Variants in STOX2 observed in about 807,000 individuals in gnomAD.
The protein encoded by STOX2 is storkhead box 2.
Under a neutral mutation model 60.9 loss-of-function variants are expected in STOX2, and 28 were observed. The ratio of observed to expected loss-of-function variants is 0.46; its 90% confidence interval spans 0.34 to 0.63. The LOEUF is 0.63. Ranked by LOEUF, STOX2 falls within the 30% of genes least tolerant of loss-of-function variation. STOX2 has a pLI of 0.01. For missense variants in STOX2, 1,024 were observed against 1,187.7 expected (o/e 0.86, Z 2.03); for synonymous variants, 472 against 463.9 (o/e 1.02, Z -0.22).
At position 183,999,981 on chromosome 4, in the gene STOX2, T is replaced by G. The variant is rs17075198; in HGVS notation, c.167-1344T>G. ...GCTTCAGAAACAAAAAAGGCTAGAT[T>G]ATGGAAGTACATTTAGGAAATCAGA... On this transcript the variant is annotated intron_variant, in intron 1 of 3. Coordinates refer to ENST00000308497, the MANE Select transcript of STOX2 (RefSeq NM_020225.3). 4.1e-3 allele frequency among the ~76,000 whole-genome samples: 631 copies of G among 152,340 alleles called. 4 individuals are homozygous for G. The highest frequency in any genetic ancestry group is 0.015 in the African/African-American group (607 of 41,572).
At chr4:183,845,006 A>C (rs527341752) in intron 1 of STOX2, among the ~76,000 whole-genome samples, 1 of 152,274 alleles carries the variant, frequency 6.6e-6, no homozygotes, top group Non-Finnish European at 1.5e-5. Context: ...CATAGAAAAC[A>C]TAATAGTCTC....
chr4:183,933,380 AGTTGTT>A (rs139425065), intron 1 of STOX2, among the ~76,000 whole-genome samples: 60 of 146,676 alleles, frequency 4.1e-4, no homozygotes, highest in Non-Finnish European at 6.9e-4. Flanking sequence ...AAACCCCAGA[AGTTGTT>A]GTTGTTGTTG....
intron 1 of STOX2, among the ~76,000 whole-genome samples, chr4:183,859,475 G>T (rs1200166606): frequency 6.6e-6 from 1 of 152,256 alleles, no homozygotes; most frequent in African/African-American, 2.4e-5. Flanking sequence ...AGGCATTTCA[G>T]GGGTGGCAGA....
At chr4:183,846,844 A>G (rs1740002028) in intron 1 of STOX2, among the ~76,000 whole-genome samples, 1 of 151,464 alleles carries the variant, frequency 6.6e-6, no homozygotes, top group Non-Finnish European at 1.5e-5. Context: ...TTTTTTTTGA[A>G]ACTGGGTTTT....
chr4:183,999,352 A>G (rs1377924653), intron 1 of STOX2, among the ~76,000 whole-genome samples: 3 of 152,134 alleles, frequency 2.0e-5, no homozygotes, highest in African/African-American at 7.2e-5. Context: ...AATTTTTCTG[A>G]GGGTGTCTCT....
chr4:183,937,478 G>T lies in STOX2; in HGVS notation c.166+30522G>T, dbSNP rs73000651. On this transcript the variant is annotated intron_variant, in intron 1 of 3. Coordinates refer to ENST00000308497, the MANE Select transcript of STOX2 (RefSeq NM_020225.3). ...GATGAGACCTTGGCACTTGCTTAGGGAGGTCAGTGTTCGTTTTAGAGCTGC... is the reference window on the plus strand; with the variant it reads ...GATGAGACCTTGGCACTTGCTTAGGTAGGTCAGTGTTCGTTTTAGAGCTGC... Among the ~76,000 whole-genome samples, 809 of 152,326 alleles carry T rather than the reference G, an allele frequency of 5.3e-3. 5 individuals carry two copies. Among genetic ancestry groups the T allele is most frequent in the African/African-American group, 0.018 (758 of 41,574 alleles).
chr4:183,874,324 T>G (rs765603256), intron 1 of STOX2, among the ~76,000 whole-genome samples: 19 of 151,792 alleles, frequency 1.3e-4, no homozygotes, highest in Non-Finnish European at 2.6e-4. Context: ...GTGCAGGGGG[T>G]TTTATTATTT....
chr4:183,957,559 G>A (rs1743286985), intron 1 of STOX2, among the ~76,000 whole-genome samples: 1 of 152,144 alleles, frequency 6.6e-6, no homozygotes, highest in African/African-American at 2.4e-5. Flanking sequence ...TGGACTCATG[G>A]ATTTCTTTTT....
Position 183,995,508 on chromosome 4 carries a change from T to C in STOX2, c.167-5817T>C, listed in dbSNP as rs373143126. ...GGGAAAATAGATAGAGGGATTTAAA[T>C]AGTGAAAATGGATGCGCTTGATAAA... On this transcript the variant is annotated intron_variant, in intron 1 of 3. Coordinates refer to ENST00000308497, the MANE Select transcript of STOX2 (RefSeq NM_020225.3). Among the ~76,000 whole-genome samples the C allele has an allele frequency of 5.9e-5, 9 of 152,096 alleles. No homozygotes were observed. The East Asian group carries it at 1.4e-3, about 23-fold the overall frequency.
chr4:183,832,493 T>A (rs1011800370), intron 1 of STOX2, among the ~76,000 whole-genome samples: 11 of 144,444 alleles, frequency 7.6e-5, no homozygotes, highest in African/African-American at 2.6e-4. Context: ...ACTCTTTTTT[T>A]TTTTTTTTTT....
intron 1 of STOX2, among the ~76,000 whole-genome samples, chr4:183,852,464 GGAAAGGATGAGA>G: frequency 2.2e-5 from 1 of 44,884 alleles, no homozygotes. Context: ...AAACGATGAG[GGAAAGGATGAGA>G]GAAAGGATGA....
In STOX2 at chr4:183,906,795, A is replaced by G; in HGVS notation, c.5A>G (p.Lys2Arg). The G allele has an allele frequency of 7.2e-6, 11 of 1,537,138 alleles. No homozygotes were observed. The highest frequency in any genetic ancestry group is 1.2e-5 in the South Asian group (1 of 82,612). M[K>R]KTRSTTLRRA... ...CGGCAGGTCGCCCTCCCCACCATGA[A>G]GAAGACCCGGAGCACAACCTTGCGG... The change falls in exon 1 of 4, where the codon AAG becomes AGG. Residue 2 changes from lysine to arginine, a missense_variant. By Grantham distance (26) the Lys-to-Arg change is conservative. Coordinates refer to ENST00000308497, the MANE Select transcript of STOX2 (RefSeq NM_020225.3).
intron 1 of STOX2, among the ~76,000 whole-genome samples, chr4:183,924,406 G>A (rs892189206): frequency 6.6e-5 from 10 of 152,126 alleles, no homozygotes; most frequent in African/African-American, 1.7e-4. Flanking sequence ...CAGGAGCCCC[G>A]TGTCTGCCCT....
rs1047020888 is a variant in STOX2, at chr4:183,820,144, C to G, written c.364+22089C>G. 2.8e-4 allele frequency among the ~76,000 whole-genome samples: 42 copies of G among 152,228 alleles called. 1 individual carries two copies. The highest frequency in any genetic ancestry group is 6.8e-3 in the Middle Eastern group (2 of 294). ...TTCACCATGTTGGCCGGGCTGGTCT[C>G]GAACTCCTGACCTCAAGTGATCCTC... is the stretch of plus-strand genomic sequence containing the variant. On this transcript the variant is annotated intron_variant, in intron 1 of 2. Coordinates refer to the STOX2 transcript ENST00000513034.
At chr4:183,893,046 C>T (rs997162127) in intron 1 of STOX2, among the ~76,000 whole-genome samples, 2 of 151,812 alleles carry the variant, frequency 1.3e-5, no homozygotes, top group African/African-American at 2.4e-5. Flanking sequence ...AGATATCCTT[C>T]GGAAACCAGT....
chr4:183,952,414 G>T (rs887833043), intron 1 of STOX2, among the ~76,000 whole-genome samples: 1 of 152,104 alleles, frequency 6.6e-6, no homozygotes, highest in Non-Finnish European at 1.5e-5. Context: ...GATTCTTGTC[G>T]GAAGTATATA....
At chr4:183,951,121 C>T (rs536152325) in intron 1 of STOX2, among the ~76,000 whole-genome samples, 2 of 149,604 alleles carry the variant, frequency 1.3e-5, no homozygotes, top group African/African-American at 4.9e-5. Flanking sequence ...GAGGCTGAGG[C>T]AGGAGAATGG....
rs1480065368 is a variant in STOX2, at chr4:183,806,130, CA to C, written c.364+8076del. On this transcript the variant is annotated intron_variant, in intron 1 of 2. Transcript: ENST00000513034. This position sits in a 1 kb window ranked among gnomAD's most constrained non-coding sequence, Gnocchi z 4.1. ...CCTTATGACATTAACACTTTGGAAGCATACCTCTGTGCTGTAGATTTCACTC... is the reference window on the plus strand; with the variant it reads ...CCTTATGACATTAACACTTTGGAAGCTACCTCTGTGCTGTAGATTTCACTC... Among the ~76,000 whole-genome samples, 1 of 152,184 alleles carries C rather than the reference CA, an allele frequency of 6.6e-6. No homozygotes were observed. The highest frequency in any genetic ancestry group is 1.5e-5 in the Non-Finnish European group (1 of 68,044).
chr4:183,941,562 T>C (rs1416931129), intron 1 of STOX2, among the ~76,000 whole-genome samples: 1 of 152,092 alleles, frequency 6.6e-6, no homozygotes, highest in Non-Finnish European at 1.5e-5. Context: ...AGCAAGACTC[T>C]GTCTCAAAAA....
Sources: allele counts gnomAD v4.1 joint callset (sites outside exome capture counted in the v4.1 genomes callset), GRCh38; gene constraint gnomAD v4.1.1; non-coding constraint Gnocchi (gnomAD v3.1); transcripts MANE v1.5; gene names NCBI Gene and HGNC (gene_info 2026-07-23, HGNC 2026-07-21).